The following ARHGAP42 variants were observed in gnomAD, a reference collection of about 807,000 sequenced individuals.
ARHGAP42 encodes rho GTPase-activating protein 42.
In ARHGAP42, 63 loss-of-function variants were observed where a neutral mutation model predicts 125.0. The observed-to-expected ratio is 0.50, with a 90% CI of 0.41 to 0.62. The LOEUF (loss-of-function observed/expected upper bound fraction) is 0.62. ARHGAP42 is among the 20% of genes least tolerant of loss of function. The pLI is 0.00. For synonymous variants in ARHGAP42, 339 were observed against 351.0 expected (o/e 0.97, Z 0.38); for missense variants, 766 against 1,024.2 (o/e 0.75, Z 3.44).
intron 1 of ARHGAP42, among the ~76,000 whole-genome samples, chr11:100,723,025 GTGT>G (rs1861791985): frequency 6.6e-6 from 1 of 152,116 alleles, no homozygotes; most frequent in Admixed American, 6.6e-5. Flanking sequence ...TGTGGATGTC[GTGT>G]TGTTCCAGCA....
chr11:100,700,902 G>T (rs766852321), intron 1 of ARHGAP42, among the ~76,000 whole-genome samples: 2 of 152,166 alleles, frequency 1.3e-5, no homozygotes, highest in Non-Finnish European at 2.9e-5. Flanking sequence ...TTTCCCGAAG[G>T]TTTTCAATGT....
chr11:100,851,731 T>C (rs1027015477), intron 3 of ARHGAP42, among the ~76,000 whole-genome samples: 3 of 152,204 alleles, frequency 2.0e-5, no homozygotes, highest in African/African-American at 7.2e-5. Flanking sequence ...TAACGATCCA[T>C]TTCTCAGAAC....
At chr11:100,810,873 A>G (rs1272920483) in intron 3 of ARHGAP42, among the ~76,000 whole-genome samples, 2 of 152,176 alleles carry the variant, frequency 1.3e-5, no homozygotes, top group African/African-American at 2.4e-5. Context: ...CTTTTTTTAT[A>G]AATGAGGAGT....
Position 100,959,804 on chromosome 11 carries a change from G to A in ARHGAP42, c.1163-79G>A, listed in dbSNP as rs1309779234. The stretch of plus-strand genomic sequence containing the variant: ...AACCTCTCTACTGTTGAGTCATAAA[G>A]GCCCAGTGAACAGAGCCAACTGAAG... On this transcript the variant is annotated intron_variant, in intron 12 of 23. Coordinates refer to ENST00000298815, the MANE Select transcript of ARHGAP42 (RefSeq NM_152432.4). 2.3e-6 allele frequency: 3 copies of A among 1,318,646 alleles called. No individual in the cohort carries two copies. The African/African-American group carries it at 4.4e-5, about 19-fold the overall frequency. The allele number at this position is 1,318,646 out of a possible 1,614,324, so 81.7% of individuals were successfully genotyped here.
intron 1 of ARHGAP42, among the ~76,000 whole-genome samples, chr11:100,690,804 G>A (rs993024206): frequency 1.3e-5 from 2 of 152,032 alleles, no homozygotes; most frequent in Non-Finnish European, 2.9e-5. Context: ...GTTTCACCGT[G>A]TTAGCCAGGA....
rs953906907 is a variant in ARHGAP42, at chr11:100,976,897, C to T, written c.2319C>T (p.Asp773=). ...KETPKASPNP[D]LPPKMCRRLR... ...CACCCAAAGCTTCACCAAACCCAGA[C>T]CTGCCTCCGAAAATGTGCAGGAGAT... The change falls in exon 21 of 24, where the codon GAC becomes GAT. Residue 773 remains aspartate, a synonymous_variant. Coordinates refer to ENST00000298815, the MANE Select transcript of ARHGAP42 (RefSeq NM_152432.4). 5.2e-6 allele frequency: 8 copies of T among 1,551,428 alleles called. No individual in the cohort carries two copies. Among genetic ancestry groups the T allele is most frequent in the African/African-American group, 2.7e-5 (2 of 73,016 alleles).
At chr11:100,898,366 G>A (rs1866421213) in intron 4 of ARHGAP42, among the ~76,000 whole-genome samples, 1 of 152,058 alleles carries the variant, frequency 6.6e-6, no homozygotes, top group South Asian at 2.1e-4. Flanking sequence ...AAAATGAATT[G>A]GGGAAGATTC....
chr11:100,714,254 C>G (rs1450794041), intron 1 of ARHGAP42, among the ~76,000 whole-genome samples: 2 of 152,184 alleles, frequency 1.3e-5, no homozygotes, highest in Admixed American at 6.5e-5. Context: ...CAAGTCAATT[C>G]TTAAATGTTG....
At chr11:100,769,855 C>T (rs553376303) in intron 1 of ARHGAP42, among the ~76,000 whole-genome samples, 24 of 150,312 alleles carry the variant, frequency 1.6e-4, no homozygotes, top group African/African-American at 4.9e-4. Flanking sequence ...TGGAGAGCAT[C>T]GGGAAAAATA....
At chr11:100,799,078 T>C (rs1286240720) in intron 3 of ARHGAP42, among the ~76,000 whole-genome samples, 1 of 152,226 alleles carries the variant, frequency 6.6e-6, no homozygotes, top group Non-Finnish European at 1.5e-5. Flanking sequence ...ATATGCAGGG[T>C]TACAGGGCTA....
intron 1 of ARHGAP42, among the ~76,000 whole-genome samples, chr11:100,769,961 C>G (rs1862935175): frequency 2.0e-5 from 3 of 151,930 alleles, no homozygotes; most frequent in South Asian, 2.1e-4. Flanking sequence ...AACTGCACAT[C>G]CTGGCTGTGT....
rs529071510 is a variant in ARHGAP42 at position 100,775,816 on chromosome 11, C to T, written c.250+5378C>T. On this transcript the variant is annotated intron_variant, in intron 2 of 23. Transcript: ENST00000298815. ...GTATTAAGTACTTATAATTTGAAATCATTTTAAATCAAAGATTAAAAATGA... is the reference window on the plus strand; with the variant it reads ...GTATTAAGTACTTATAATTTGAAATTATTTTAAATCAAAGATTAAAAATGA... Among the ~76,000 whole-genome samples the T allele has an allele frequency of 1.2e-3, 185 of 152,300 alleles. 1 individual carries two copies. Among genetic ancestry groups the T allele is most frequent in the Non-Finnish European group, 1.8e-3 (124 of 68,008 alleles).
intron 3 of ARHGAP42, among the ~76,000 whole-genome samples, chr11:100,844,336 T>TATAATAAAATTTATGCAAGAATGGCC (rs1865011977): frequency 6.6e-6 from 1 of 152,010 alleles, no homozygotes; most frequent in African/African-American, 2.4e-5. Flanking sequence ...GACCTGAATC[T>TATAATAAAATTTATGCAAGAATGGCC]ATAATAAAAA....
At chr11:100,986,116 C>T (rs1206086622) in intron 22 of ARHGAP42, 4 of 456,314 alleles carry the variant, frequency 8.8e-6, no homozygotes, top group South Asian at 3.1e-5. Flanking sequence ...AGACATCGTT[C>T]GTGGAGATTT....
intron 4 of ARHGAP42, among the ~76,000 whole-genome samples, chr11:100,912,788 G>A (rs190898832): frequency 6.6e-6 from 1 of 152,240 alleles, no homozygotes; most frequent in Admixed American, 6.5e-5. Context: ...AACATATCAG[G>A]AACAAAGGTC....
chr11:100,935,015 T>TAAAAAATAAAA (rs1867693881), intron 7 of ARHGAP42, among the ~76,000 whole-genome samples: 6 of 152,008 alleles, frequency 3.9e-5, no homozygotes, highest in Admixed American at 3.9e-4. Flanking sequence ...AAAATTACAT[T>TAAAAAATAAAA]AAGATTCCTA....
chr11:100,820,316 C>G lies in ARHGAP42; in HGVS notation c.312+25150C>G, dbSNP rs77992495. 3.4e-3 allele frequency among the ~76,000 whole-genome samples: 523 copies of G among 152,124 alleles called. 3 individuals are homozygous for G. The highest frequency in any genetic ancestry group is 0.012 in the African/African-American group (506 of 41,518). On this transcript the variant is annotated intron_variant, in intron 3 of 23. Transcript: ENST00000298815. Reference sequence around the variant, plus strand: ...AAGTCTGAAGTCACCATATAATGTTCTTAGGGTTTTTGGAGGCTACCATGG... The same window carrying G: ...AAGTCTGAAGTCACCATATAATGTTGTTAGGGTTTTTGGAGGCTACCATGG...
At position 100,973,473 on chromosome 11, in the gene ARHGAP42, T is replaced by G; in HGVS notation, c.1710+139T>G. The G allele has an allele frequency of 7.9e-6, 7 of 881,260 alleles. No individual in the cohort carries two copies. In the South Asian group the frequency reaches 1.2e-4, roughly 15 times the overall value. The allele number at this position is 881,260 out of a possible 1,614,324, so 54.6% of individuals were successfully genotyped here. ...CTTCAGTTTTCTTTCCTTGTTGTTTTTAAGTGCTTCTCAAAATCCTTCAGT... is the reference window on the plus strand; with the variant it reads ...CTTCAGTTTTCTTTCCTTGTTGTTTGTAAGTGCTTCTCAAAATCCTTCAGT... On this transcript the variant is annotated intron_variant, in intron 18 of 23. Transcript: ENST00000298815.
At chr11:100,948,433 T>C (rs1352077767) in intron 10 of ARHGAP42, 24 bp from the exon 11 acceptor site, 9 of 1,478,754 alleles carry the variant, frequency 6.1e-6, no homozygotes, top group African/African-American at 1.4e-5. Context: ...TGTGTAAATA[T>C]AGAAAATATT....
Sources: allele counts gnomAD v4.1 joint callset (sites outside exome capture counted in the v4.1 genomes callset), GRCh38; gene constraint gnomAD v4.1.1; transcripts MANE v1.5; gene names NCBI Gene and HGNC (gene_info 2026-07-23, HGNC 2026-07-21).